IQSEC2: variants seen among roughly 807,000 people sequenced by gnomAD.
IQSEC2 encodes IQ motif and Sec7 domain ArfGEF 2, also known as IQ motif and SEC7 domain-containing protein 2.
Under a neutral mutation model 74.6 loss-of-function variants are expected in IQSEC2, and 6 were observed. The observed-to-expected ratio is 0.08, with a 90% confidence interval of 0.04 to 0.16. The LOEUF (loss-of-function observed/expected upper bound fraction) is 0.16. Ranked by LOEUF, IQSEC2 falls within the 10% of genes least tolerant of loss-of-function variation. The pLI, the probability that IQSEC2 is intolerant of heterozygous loss-of-function variation, is 1.00. For missense variants in IQSEC2, 734 were observed against 1,306.2 expected, an observed-to-expected ratio of 0.56 and a Z score of 6.75; for synonymous variants, 494 against 544.5, an observed-to-expected ratio of 0.91 and a Z score of 1.29.
At position 53,307,885 on chromosome X, in the gene IQSEC2, TAAAAAA is replaced by T. The variant is rs782356115; in HGVS notation, c.707+12526_707+12531del. Among the ~76,000 whole-genome samples the T allele has an allele frequency of 1.3e-4, 5 of 38,148 alleles. No individual in the cohort carries two copies. The East Asian group carries it at 4.7e-3, about 36-fold the overall frequency. The allele number at this position is 38,148 out of a possible 115,157, so 33.1% of individuals were successfully genotyped here. On this transcript the variant is annotated intron_variant, in intron 1 of 14. Transcript: ENST00000642864. Reference sequence around the variant, plus strand: ...CTATGCAACAGAGTGAGGCCCTGTCTAAAAAAAAAAAAAAAAAAAGGCCGGGCACGG... The same window carrying T: ...CTATGCAACAGAGTGAGGCCCTGTCTAAAAAAAAAAAAAGGCCGGGCACGG...
intron 2 of IQSEC2, among the ~76,000 whole-genome samples, chrX:53,289,526 C>G (rs1416705350): frequency 1.8e-5 from 2 of 111,673 alleles, no homozygotes; most frequent in Non-Finnish European, 3.8e-5. Flanking sequence ...TTATGCAAAT[C>G]TGCACGGCAG....
rs2074317558 is a variant in IQSEC2 at position 53,247,024 on chromosome X, G to A, written c.2694C>T (p.Pro898=). Residue 898 remains proline, a synonymous_variant, in exon 8 of 15, where the codon CCC becomes CCT. Transcript: ENST00000642864. ...TCATCTTTCGTTCAGCTTTGACGCT[G>A]GGACTGTACATGTCGGTATTGAGGA... ...IILLNTDMYS[P]SVKAERKMKL... The A allele has an allele frequency of 2.5e-6, 3 of 1,208,584 alleles. No individual in the cohort carries two copies. Among genetic ancestry groups the A allele is most frequent in the Admixed American group, 2.2e-5 (1 of 45,663 alleles).
chrX:53,228,319 T>C (rs1556857999), downstream of IQSEC2, among the ~76,000 whole-genome samples: 1 of 112,007 alleles, frequency 8.9e-6, no homozygotes, highest in African/African-American at 3.3e-5. Flanking sequence ...CAATTCTGCC[T>C]GTAAGAGTCT....
chrX:53,294,328 C>T (rs2075130206), intron 1 of IQSEC2, among the ~76,000 whole-genome samples: 1 of 112,313 alleles, frequency 8.9e-6, no homozygotes, highest in Admixed American at 9.4e-5. Flanking sequence ...TCATATGACT[C>T]TCAATGTGGG....
rs141599972 is a variant in IQSEC2, at chrX:53,300,075, T to G, written c.708-8151A>C. Among the ~76,000 whole-genome samples, 58 of 111,478 alleles carry G rather than the reference T, an allele frequency of 5.2e-4. 1 individual carries two copies. In the East Asian group the frequency reaches 0.015, roughly 29 times the overall value. ...CACTGTGCCCGGACAGAAAAGACTTTCAACATTCCCATTCTCAGGTCCATA... is the reference window on the plus strand; with the variant it reads ...CACTGTGCCCGGACAGAAAAGACTTGCAACATTCCCATTCTCAGGTCCATA... On this transcript the variant is annotated intron_variant, in intron 1 of 14. Coordinates refer to ENST00000642864, the MANE Select transcript of IQSEC2 (RefSeq NM_001111125.3).
chrX:53,309,849 T>G (rs1477364763), intron 1 of IQSEC2, among the ~76,000 whole-genome samples: 1 of 112,187 alleles, frequency 8.9e-6, no homozygotes, highest in Non-Finnish European at 1.9e-5. Flanking sequence ...TCAAATTAAC[T>G]GGTGGCTGAG....
chrX:53,248,647 C>T lies in IQSEC2; in HGVS notation c.2459+74G>A, dbSNP rs781790757. 1.0e-3 allele frequency: 1,133 copies of T among 1,081,496 alleles called. 2 individuals carry two copies. Among genetic ancestry groups the T allele is most frequent in the Admixed American group, 1.1e-3 (48 of 44,986 alleles). 89.1% of individuals were successfully genotyped at this position (1,081,496 alleles called of 1,213,427 possible). A position where few individuals can be genotyped will look rare whatever the true frequency, so the allele number is the denominator to read the frequency against. On this transcript the variant is annotated intron_variant, in intron 6 of 14. Coordinates refer to ENST00000642864, the MANE Select transcript of IQSEC2 (RefSeq NM_001111125.3). The stretch of plus-strand genomic sequence containing the variant: ...AGCTTATCTGAGCTAAAGGGACAGG[C>T]TGCCCCCTTCCTCCCTCTTGCTGTC...
intron 3 of IQSEC2, among the ~76,000 whole-genome samples, chrX:53,255,349 T>TA (rs1451183982): frequency 4.5e-5 from 5 of 111,757 alleles, no homozygotes; most frequent in Admixed American, 9.5e-5. Flanking sequence ...TCCAAACACC[T>TA]AAGCATAACT....
intron 2 of IQSEC2, among the ~76,000 whole-genome samples, chrX:53,272,171 G>A (rs782729955): frequency 9.0e-6 from 1 of 110,802 alleles, no homozygotes; most frequent in Non-Finnish European, 1.9e-5. Flanking sequence ...GCCCCAGACA[G>A]GGCCAAATTC....
At chrX:53,311,358 C>T (rs1556878012) in intron 1 of IQSEC2, among the ~76,000 whole-genome samples, 1 of 109,200 alleles carries the variant, frequency 9.2e-6, no homozygotes, top group Admixed American at 9.9e-5. Flanking sequence ...TTATTAAAAC[C>T]CTACTGGTCA....
chrX:53,289,173 A>ACATGCATGCATG (rs1722552618), intron 2 of IQSEC2, among the ~76,000 whole-genome samples: 1 of 108,414 alleles, frequency 9.2e-6, no homozygotes, highest in Non-Finnish European at 1.9e-5. Flanking sequence ...CCCCCTCCAC[A>ACATGCATGCATG]CACACATGAA....
intron 1 of IQSEC2, among the ~76,000 whole-genome samples, chrX:53,316,754 G>A (rs782546387): frequency 9.4e-6 from 1 of 106,921 alleles, no homozygotes; most frequent in African/African-American, 3.4e-5. Flanking sequence ...GAACTCACTT[G>A]AGTAAGCTAT....
chrX:53,252,858 A>G (rs1369290130), intron 4 of IQSEC2, among the ~76,000 whole-genome samples: 1 of 112,221 alleles, frequency 8.9e-6, no homozygotes, highest in Non-Finnish European at 1.9e-5. Context: ...TCAGACTTCA[A>G]TAGCACTCAG....
In IQSEC2 at chrX:53,281,577, G is replaced by A. The variant is rs782572382; in HGVS notation, c.737+10318C>T. 2.7e-3 allele frequency: 3,014 copies of A among 1,130,237 alleles called. 2 individuals are homozygous for A. The highest frequency in any genetic ancestry group is 3.2e-3 in the Non-Finnish European group (2,748 of 851,964). 93.1% of individuals were successfully genotyped at this position (1,130,237 alleles called of 1,213,427 possible). A position where few individuals can be genotyped will look rare whatever the true frequency, so the allele number is the denominator to read the frequency against. ...CTGGCCTAGCCGGTGTCTCCACCGTGTCACCACCCCCTCCTCCCCAGCCCT... is the reference window on the plus strand; with the variant it reads ...CTGGCCTAGCCGGTGTCTCCACCGTATCACCACCCCCTCCTCCCCAGCCCT... On this transcript the variant is annotated intron_variant, in intron 2 of 14. Coordinates refer to ENST00000642864, the MANE Select transcript of IQSEC2 (RefSeq NM_001111125.3).
chrX:53,245,353 A>T (rs1556861829), intron 8 of IQSEC2, among the ~76,000 whole-genome samples: 1 of 107,692 alleles, frequency 9.3e-6, no homozygotes, highest in Non-Finnish European at 1.9e-5. Flanking sequence ...GCTTGAGCCC[A>T]GGAGTTCAAG....
chrX:53,244,560 T>C (rs1399291439), intron 8 of IQSEC2, among the ~76,000 whole-genome samples: 4 of 110,092 alleles, frequency 3.6e-5, no homozygotes, highest in African/African-American at 1.3e-4. Context: ...AAGTGTTACT[T>C]ATGGGGACAA....
chrX:53,290,731 T>A (rs2075090694), intron 2 of IQSEC2, among the ~76,000 whole-genome samples: 2 of 111,936 alleles, frequency 1.8e-5, no homozygotes, highest in South Asian at 7.5e-4. Flanking sequence ...CCAGATCCCC[T>A]GTCTGGGGTG....
At chrX:53,291,266 G>A (rs1380434834) in intron 2 of IQSEC2, among the ~76,000 whole-genome samples, 2 of 111,369 alleles carry the variant, frequency 1.8e-5, no homozygotes, top group Non-Finnish European at 3.8e-5. Context: ...CTCCCCAACT[G>A]GCAGATTGAG....
At chrX:53,242,527 TCTC>T (rs782273105) in intron 9 of IQSEC2, among the ~76,000 whole-genome samples, 6 of 108,613 alleles carry the variant, frequency 5.5e-5, no homozygotes, top group Admixed American at 9.9e-5. Flanking sequence ...ATGGTCTCTC[TCTC>T]CTTTCTCCTC....
Sources: gnomAD v4.1 joint callset for allele counts (sites outside exome capture counted in the v4.1 genomes callset) on GRCh38, gnomAD v4.1.1 for gene constraint, MANE v1.5 for transcripts, NCBI Gene and HGNC (gene_info 2026-07-23, HGNC 2026-07-21) for gene names.